The following GRIA1 variants were observed in gnomAD, a reference collection of about 807,000 sequenced individuals.
GRIA1 encodes glutamate receptor 1.
A neutral mutation model predicts 99.2 loss-of-function variants in GRIA1; 31 were observed. That is an observed-to-expected ratio of 0.31 (90% CI 0.23 to 0.42). The LOEUF is 0.42. GRIA1 is among the 10% of genes least tolerant of loss of function. The probability of loss-of-function intolerance (pLI) is 1.00; values close to 1 mark genes in which losing one functional copy is unlikely to be tolerated. For missense variants in GRIA1, 782 were observed against 1,157.5 expected (o/e 0.68, Z 4.71); for synonymous variants, 438 against 432.4 (o/e 1.01, Z -0.16).
chr5:153,560,734 C>A (rs1310840388), intron 2 of GRIA1, among the ~76,000 whole-genome samples: 1 of 152,206 alleles, frequency 6.6e-6, no homozygotes, highest in East Asian at 1.9e-4. Flanking sequence ...AGCATGACAA[C>A]AGACTAGTCT....
chr5:153,786,484 G>A (rs977989765), intron 13 of GRIA1, among the ~76,000 whole-genome samples: 9 of 151,202 alleles, frequency 6.0e-5, no homozygotes, highest in Non-Finnish European at 1.2e-4. Context: ...TCACATACTA[G>A]ATTGCATGGT....
intron 4 of GRIA1, among the ~76,000 whole-genome samples, chr5:153,654,833 A>G (rs1380851282): frequency 6.6e-6 from 1 of 152,194 alleles, no homozygotes; most frequent in Non-Finnish European, 1.5e-5. Flanking sequence ...TAAAAAAAAT[A>G]GGGAATTAGA....
intron 13 of GRIA1, among the ~76,000 whole-genome samples, chr5:153,789,517 A>G (rs1279582800): frequency 6.6e-6 from 1 of 152,194 alleles, no homozygotes; most frequent in Non-Finnish European, 1.5e-5. Context: ...TATGAAGAAT[A>G]TCTAATTAAC....
intron 2 of GRIA1, among the ~76,000 whole-genome samples, chr5:153,512,858 A>T (rs973476840): frequency 2.0e-5 from 3 of 152,146 alleles, no homozygotes; most frequent in Non-Finnish European, 2.9e-5. Flanking sequence ...CTCCAGCATG[A>T]TGGTAGTGGG....
rs145392748 is a variant in GRIA1, at chr5:153,788,174, G to A, written c.2271-6447G>A. Among the ~76,000 whole-genome samples, 10 of 151,862 alleles carry A rather than the reference G, an allele frequency of 6.6e-5. 1 individual carries two copies. In the East Asian group the frequency reaches 1.9e-3, roughly 29 times the overall value. On this transcript the variant is annotated intron_variant, in intron 13 of 15. Transcript: ENST00000285900. Reference sequence around the variant, plus strand: ...TTAGTCTCTCTCATCTCCACAAATGGTCCCTCAGTCTACACAATCTCAAGG... The same window carrying A: ...TTAGTCTCTCTCATCTCCACAAATGATCCCTCAGTCTACACAATCTCAAGG...
intron 2 of GRIA1, among the ~76,000 whole-genome samples, chr5:153,570,332 A>G (rs1348213353): frequency 6.6e-6 from 1 of 152,216 alleles, no homozygotes; most frequent in East Asian, 1.9e-4. Context: ...GTGAGTCAAC[A>G]GGCTCATGTA....
At chr5:153,564,192 A>C (rs1761411026) in intron 2 of GRIA1, among the ~76,000 whole-genome samples, 1 of 152,096 alleles carries the variant, frequency 6.6e-6, no homozygotes, top group African/African-American at 2.4e-5. Flanking sequence ...ATTGCCCTAT[A>C]AACTGTTATT....
chr5:153,607,241 G>T (rs1049607086), intron 2 of GRIA1, among the ~76,000 whole-genome samples: 2 of 151,554 alleles, frequency 1.3e-5, no homozygotes, highest in Admixed American at 1.3e-4. Context: ...ATTGACATTG[G>T]TGGATTTTTT....
At chr5:153,646,701 A>T (rs1413386359) in intron 2 of GRIA1, among the ~76,000 whole-genome samples, 12 of 152,208 alleles carry the variant, frequency 7.9e-5, no homozygotes, top group Admixed American at 7.2e-4. Context: ...GAACAGGTGA[A>T]TGTGTGAGTG....
chr5:153,549,206 GATCCCT>G (rs2113531692), intron 2 of GRIA1, among the ~76,000 whole-genome samples: 2 of 152,296 alleles, frequency 1.3e-5, no homozygotes, highest in South Asian at 4.1e-4. Flanking sequence ...ACACATTAAT[GATCCCT>G]GTTCTCATCA....
At chr5:153,541,565 T>A (rs1759095639) in intron 2 of GRIA1, among the ~76,000 whole-genome samples, 1 of 152,202 alleles carries the variant, frequency 6.6e-6, no homozygotes. Context: ...ATACCTAGCA[T>A]TGCCCCTTGC....
chr5:153,781,993 T>C (rs1764667855), intron 13 of GRIA1, among the ~76,000 whole-genome samples: 2 of 152,202 alleles, frequency 1.3e-5, no homozygotes, highest in South Asian at 2.1e-4. Context: ...TGTGGTTTTC[T>C]CATTTTTAAT....
intron 2 of GRIA1, among the ~76,000 whole-genome samples, chr5:153,642,876 A>G (rs1263100425): frequency 1.3e-5 from 2 of 152,016 alleles, no homozygotes; most frequent in African/African-American, 2.4e-5. Context: ...TCATCTCTCT[A>G]CTGGGTAACT....
intron 2 of GRIA1, among the ~76,000 whole-genome samples, chr5:153,540,159 G>T (rs1324963352): frequency 6.6e-6 from 1 of 152,214 alleles, no homozygotes; most frequent in Non-Finnish European, 1.5e-5. Flanking sequence ...AGCTGCCTCT[G>T]CCTGCCTTGC....
At chr5:153,741,017 C>T (rs868382715) in intron 11 of GRIA1, among the ~76,000 whole-genome samples, 5 of 144,960 alleles carry the variant, frequency 3.4e-5, no homozygotes, top group Middle Eastern at 7.7e-3. Flanking sequence ...CACTCTGTCG[C>T]CCAGGCTGGA....
rs955911012 is a variant in GRIA1 at position 153,729,235 on chromosome 5, G to T, written c.1823+23168G>T. On this transcript the variant is annotated intron_variant, in intron 11 of 15. Transcript: ENST00000285900. ...AACATCACAGTCTGGGGACTGTTGT[G>T]GGGTAGGGAGAGGGGGGAGCGATAG... Among the ~76,000 whole-genome samples, 6 of 151,482 alleles carry T rather than the reference G, an allele frequency of 4.0e-5. No individual in the cohort carries two copies. In the South Asian group the frequency reaches 1.3e-3, roughly 32 times the overall value.
chr5:153,629,853 A>G (rs967348851), intron 2 of GRIA1, among the ~76,000 whole-genome samples: 15 of 152,148 alleles, frequency 9.9e-5, no homozygotes, highest in Non-Finnish European at 2.9e-5. Flanking sequence ...CTTTCATCGC[A>G]TTGGAATGAC....
chr5:153,580,402 T>C (rs1336315055), intron 2 of GRIA1, among the ~76,000 whole-genome samples: 1 of 152,172 alleles, frequency 6.6e-6, no homozygotes, highest in Non-Finnish European at 1.5e-5. Flanking sequence ...TTACACATTA[T>C]CTTGGCCAAT....
intron 13 of GRIA1, among the ~76,000 whole-genome samples, chr5:153,777,279 G>C (rs937234574): frequency 6.6e-6 from 1 of 152,170 alleles, no homozygotes; most frequent in Admixed American, 6.5e-5. Flanking sequence ...GGCAGAACAT[G>C]AGGAGGAGGC....
Sources: gnomAD v4.1 joint callset for allele counts (sites outside exome capture counted in the v4.1 genomes callset) on GRCh38, gnomAD v4.1.1 for gene constraint, MANE v1.5 for transcripts, NCBI Gene and HGNC (gene_info 2026-07-23, HGNC 2026-07-21) for gene names.